The following CATSPERE variants were observed in gnomAD, a reference collection of about 807,000 sequenced individuals.
CATSPERE encodes the protein cation channel sperm-associated auxiliary subunit epsilon.
In CATSPERE, 93 loss-of-function variants were observed where a neutral mutation model predicts 114.1. The ratio of observed to expected loss-of-function variants is 0.81; its 90% CI spans 0.69 to 0.97. The LOEUF is 0.97. Among genes scored for constraint, CATSPERE ranks in the 50% least tolerant of loss-of-function variants. CATSPERE has a pLI of 0.00. For missense variants in CATSPERE, 1,058 were observed against 1,131.6 expected, an observed-to-expected ratio of 0.93 and a Z score of 0.93; for synonymous variants, 341 against 384.1, an observed-to-expected ratio of 0.89 and a Z score of 1.31.
At chr1:244,551,038 C>G (rs1572702907) in intron 8 of CATSPERE, among the ~76,000 whole-genome samples, 1 of 152,294 alleles carries the variant, frequency 6.6e-6, no homozygotes, top group Non-Finnish European at 1.5e-5. Context: ...ACAGGACAAC[C>G]ATTTAAATAA....
intron 5 of CATSPERE, among the ~76,000 whole-genome samples, chr1:244,484,852 T>A (rs1257157283): frequency 6.6e-6 from 1 of 152,244 alleles, no homozygotes; most frequent in East Asian, 1.9e-4. Context: ...TCAGTATTCA[T>A]GCCTCTGAAA....
chr1:244,469,069 T>TA (rs1260980962), intron 2 of CATSPERE, among the ~76,000 whole-genome samples: 1 of 152,238 alleles, frequency 6.6e-6, no homozygotes, highest in Non-Finnish European at 1.5e-5. Context: ...CCAAGTCACT[T>TA]AAACATGAAG....
At chr1:244,517,541 G>T (rs569908054) in intron 7 of CATSPERE, among the ~76,000 whole-genome samples, 1 of 151,924 alleles carries the variant, frequency 6.6e-6, no homozygotes, top group African/African-American at 2.4e-5. Context: ...GGAGGAGGAG[G>T]TGGGTGGATC....
chr1:244,540,850 T>C (rs1210559233), intron 8 of CATSPERE, among the ~76,000 whole-genome samples: 1 of 74,786 alleles, frequency 1.3e-5, no homozygotes, highest in African/African-American at 3.8e-5. Flanking sequence ...GAAATAACGC[T>C]GCATATCTAC....
chr1:244,556,707 G>C (rs1374780754), intron 9 of CATSPERE, among the ~76,000 whole-genome samples: 1 of 152,086 alleles, frequency 6.6e-6, no homozygotes, highest in African/African-American at 2.4e-5. Context: ...TCCATTTTGA[G>C]TTAATTTTAA....
intron 8 of CATSPERE, among the ~76,000 whole-genome samples, chr1:244,525,223 G>C (rs1007142440): frequency 2.7e-5 from 4 of 150,358 alleles, no homozygotes; most frequent in African/African-American, 4.9e-5. Context: ...ATCATTCTCA[G>C]TAAACTATCG....
chr1:244,554,041 A>G (rs372422130), intron 9 of CATSPERE, among the ~76,000 whole-genome samples: 5 of 152,328 alleles, frequency 3.3e-5, no homozygotes, highest in Admixed American at 6.5e-5. Flanking sequence ...CATTGGGTAT[A>G]TATAACCCAT....
chr1:244,539,995 GTTAT>G (rs1207024225), intron 8 of CATSPERE, among the ~76,000 whole-genome samples: 3 of 151,498 alleles, frequency 2.0e-5, no homozygotes, highest in Non-Finnish European at 4.4e-5. Flanking sequence ...TCTGATTTTA[GTTAT>G]TTCTTGCTCA....
rs942353648 is a variant in CATSPERE, at chr1:244,455,343, GA to G, written n.237+739del. Reference sequence around the variant, plus strand: ...CCTGGGGGAGATTCTACATCTTGTAGAAAAAAAAACTGCTTACCATCTCTTT... The same window carrying G: ...CCTGGGGGAGATTCTACATCTTGTAGAAAAAAAACTGCTTACCATCTCTTT... On this transcript the variant is annotated intron_variant and non_coding_transcript_variant, in intron 1 of 15. Coordinates refer to the CATSPERE transcript ENST00000473875. Among the ~76,000 whole-genome samples the G allele has an allele frequency of 2.0e-5, 3 of 150,948 alleles. No individual in the cohort carries two copies. The South Asian group carries it at 6.3e-4, about 32-fold the overall frequency.
rs1664627156 is a variant in CATSPERE, at chr1:244,572,595, T to C, written c.1773T>C (p.Asn591=). 2 of 1,614,006 alleles carry C rather than the reference T, an allele frequency of 1.2e-6. No individual in the cohort carries two copies. The highest frequency in any genetic ancestry group is 2.2e-5 in the South Asian group (2 of 91,084). The change falls in exon 11 of 22, where the codon AAT becomes AAC. Residue 591 remains asparagine, a synonymous_variant. Coordinates refer to ENST00000366534, the MANE Select transcript of CATSPERE (RefSeq NM_001130957.2). The part of the protein sequence containing the change: ...DKCPYMAFHN[N]VAHVFYFLDK... ...GCCCATACATGGCATTTCATAACAA[T>C]GTTGCTCATGTTTTTTACTTTTTGG...
At chr1:244,625,402 T>TTAATA (rs1357297236) in intron 20 of CATSPERE, among the ~76,000 whole-genome samples, 7 of 45,958 alleles carry the variant, frequency 1.5e-4, no homozygotes, top group Admixed American at 3.0e-4. Flanking sequence ...ATTATTATTA[T>TTAATA]TATTTATATA....
At chr1:244,598,103 T>C (rs1013285208) in intron 17 of CATSPERE, among the ~76,000 whole-genome samples, 1 of 152,212 alleles carries the variant, frequency 6.6e-6, no homozygotes, top group African/African-American at 2.4e-5. Flanking sequence ...TACACACATC[T>C]AAATTAAAAA....
chr1:244,599,289 C>T (rs536439125), intron 17 of CATSPERE, among the ~76,000 whole-genome samples: 10 of 152,126 alleles, frequency 6.6e-5, no homozygotes, highest in Non-Finnish European at 1.2e-4. Flanking sequence ...ATATATCAAA[C>T]GTAACCTGTC....
chr1:244,507,324 A>T (rs1277456318), intron 7 of CATSPERE, among the ~76,000 whole-genome samples: 3 of 152,102 alleles, frequency 2.0e-5, no homozygotes, highest in Non-Finnish European at 2.9e-5. Context: ...TTTTTGAAAA[A>T]TTTCCATACT....
rs1158619946 is a variant in CATSPERE, at chr1:244,525,044, G to T, written c.536+6346G>T. The stretch of plus-strand genomic sequence containing the variant: ...GCTATAAAGACACATGCACACGTAT[G>T]TTTATTGCGGCATTATTCACAATAG... On this transcript the variant is annotated intron_variant, in intron 8 of 21. Transcript: ENST00000366534. Among the ~76,000 whole-genome samples the T allele has an allele frequency of 1.4e-5, 2 of 146,032 alleles. 1 individual carries two copies. The highest frequency in any genetic ancestry group is 3.0e-5 in the Non-Finnish European group (2 of 67,142).
chr1:244,527,944 C>T (rs989478746), intron 8 of CATSPERE, among the ~76,000 whole-genome samples: 2 of 152,114 alleles, frequency 1.3e-5, no homozygotes, highest in Non-Finnish European at 2.9e-5. Flanking sequence ...CACCCTGTTG[C>T]CCAAGCTGGT....
At chr1:244,532,819 ATG>A (rs1679819349) in intron 8 of CATSPERE, among the ~76,000 whole-genome samples, 1 of 152,174 alleles carries the variant, frequency 6.6e-6, no homozygotes, top group Non-Finnish European at 1.5e-5. Flanking sequence ...CAGGAGAAGA[ATG>A]TGCACTCTAT....
At chr1:244,628,818 A>AT (rs962774830) in intron 20 of CATSPERE, among the ~76,000 whole-genome samples, 1 of 152,040 alleles carries the variant, frequency 6.6e-6, no homozygotes, top group Non-Finnish European at 1.5e-5. Context: ...TCTTTCTCAT[A>AT]TTTTTTTCAT....
intron 9 of CATSPERE, among the ~76,000 whole-genome samples, chr1:244,554,880 C>A (rs890064144): frequency 6.6e-6 from 1 of 151,878 alleles, no homozygotes; most frequent in Non-Finnish European, 1.5e-5. Context: ...AACACAAAAA[C>A]CCTCAAAAAA....
Sources: allele counts gnomAD v4.1 joint callset (sites outside exome capture counted in the v4.1 genomes callset), GRCh38; gene constraint gnomAD v4.1.1; transcripts MANE v1.5; gene names NCBI Gene and HGNC (gene_info 2026-07-23, HGNC 2026-07-21).